MAD2L2: variants seen among roughly 807,000 people sequenced by gnomAD.
MAD2L2 encodes the protein mitotic spindle assembly checkpoint protein MAD2B.
A neutral mutation model predicts 30.5 loss-of-function variants in MAD2L2; 17 were observed. That is an observed-to-expected ratio of 0.56 (90% CI 0.38 to 0.84). The LOEUF (loss-of-function observed/expected upper bound fraction) is 0.84, where lower values mean the gene tolerates loss of function less well. Ranked by LOEUF, MAD2L2 falls within the 40% of genes least tolerant of loss-of-function variation. MAD2L2 has a pLI of 0.00. For missense variants in MAD2L2, 213 were observed against 277.4 expected, an observed-to-expected ratio of 0.77 and a Z score of 1.65; for synonymous variants, 101 against 113.9, an observed-to-expected ratio of 0.89 and a Z score of 0.72.
In MAD2L2 at chr1:11,687,645, G is replaced by C. The variant is rs1291078084; in HGVS notation, c.-692+3768C>G. Among the ~76,000 whole-genome samples the C allele has an allele frequency of 6.6e-6, 1 of 152,224 alleles. No homozygotes were observed. The highest frequency in any genetic ancestry group is 6.5e-5 in the Admixed American group (1 of 15,282). ...CCTGCCTCACCCTCTCAAAGTGCTA[G>C]GATTACAGGCATGAGCCACTGCGCC... On this transcript the variant is annotated intron_variant, in intron 1 of 10. Coordinates refer to the MAD2L2 transcript ENST00000235310. This position sits in a 1 kb window ranked among gnomAD's most constrained non-coding sequence, Gnocchi z 4.1.
chr1:11,674,602 C>T lies in MAD2L2; in HGVS notation c.*173G>A. 1.6e-6 allele frequency: 1 copy of T among 641,206 alleles called. No homozygotes were observed. The allele number at this position is 641,206 out of a possible 1,614,324, so 39.7% of individuals were successfully genotyped here. A position where few individuals can be genotyped will look rare whatever the true frequency, so the allele number is the denominator to read the frequency against. ...CGAGGTTGCGGCATCCCTCACTGCC[C>T]TCCTGGGGGAGGCATCCTCCAAGCA... On this transcript the variant is annotated 3_prime_UTR_variant, in exon 9 of 9. Coordinates refer to ENST00000376692, the MANE Select transcript of MAD2L2 (RefSeq NM_006341.4). This position sits in a 1 kb window ranked among gnomAD's most constrained non-coding sequence, Gnocchi z 6.1.
Position 11,675,614 on chromosome 1 carries a change from C to T in MAD2L2, c.501+44G>A, listed in dbSNP as rs956976287. The T allele has an allele frequency of 6.9e-6, 11 of 1,589,364 alleles. No homozygotes were observed. In the African/African-American group the frequency reaches 1.2e-4, roughly 17 times the overall value. On this transcript the variant is annotated intron_variant, in intron 7 of 8. Transcript: ENST00000376692. ...CTGCCCGCCTGGAACTGCGACATCA[C>T]GTTTCTAGAGCCTGCGCCCAGACCC...
In MAD2L2 at chr1:11,687,359, C is replaced by A. The variant is rs1007650615; in HGVS notation, c.-692+4054G>T. On this transcript the variant is annotated intron_variant, in intron 1 of 10. Coordinates refer to the MAD2L2 transcript ENST00000235310. The surrounding 1 kb of genome is among the most constrained non-coding windows in gnomAD (Gnocchi z 4.1). ...GATTCAAGCGATTCTCCTGCCTCAG[C>A]CTCCCGAGTAGCTGGGACTACAGGC... is the stretch of plus-strand genomic sequence containing the variant. Among the ~76,000 whole-genome samples the A allele has an allele frequency of 6.6e-6, 1 of 152,224 alleles. No homozygotes were observed. Among genetic ancestry groups the A allele is most frequent in the Non-Finnish European group, 1.5e-5 (1 of 68,046 alleles).
chr1:11,681,888 C>CAA (rs1640886967), upstream of MAD2L2: 1 of 152,134 alleles, frequency 6.6e-6, no homozygotes, highest in Non-Finnish European at 1.5e-5. Context: ...ATAACCTGCC[C>CAA]GAGTCTCCCA....
At chr1:11,681,845 T>A (rs969806373), upstream of MAD2L2, 3 of 152,094 alleles carry the variant, frequency 2.0e-5, no homozygotes. Context: ...GTTCTCTTTA[T>A]ACAGATAAGT....
intron 3 of MAD2L2, among the ~76,000 whole-genome samples, chr1:11,679,761 T>A (rs1377325786): frequency 6.6e-6 from 1 of 151,934 alleles, no homozygotes; most frequent in Non-Finnish European, 1.5e-5. Flanking sequence ...ACTCCTGACC[T>A]TGTGATTCGC....
rs1469908175 is a variant in MAD2L2 at position 11,688,102 on chromosome 1, A to T, written c.-692+3311T>A. Among the ~76,000 whole-genome samples the T allele has an allele frequency of 6.6e-6, 1 of 152,178 alleles. No homozygotes were observed. The highest frequency in any genetic ancestry group is 1.5e-5 in the Non-Finnish European group (1 of 68,030). On this transcript the variant is annotated intron_variant, in intron 1 of 10. Coordinates refer to the MAD2L2 transcript ENST00000235310. The surrounding 1 kb of genome is among the most constrained non-coding windows in gnomAD (Gnocchi z 4.6). ...GACTCCAAGGTTTTTCTCCTGGCTC[A>T]TGAATACTGGCCCACAGCTCTATCC...
upstream of MAD2L2, among the ~76,000 whole-genome samples, chr1:11,683,514 G>A (rs909933): frequency 2.0e-5 from 3 of 150,654 alleles, no homozygotes; most frequent in African/African-American, 7.4e-5. Flanking sequence ...TTGGGGACTC[G>A]GGGGGAAGGA....
At chr1:11,691,161 C>T (rs1231170002) in intron 1 of MAD2L2, among the ~76,000 whole-genome samples, 1 of 152,208 alleles carries the variant, frequency 6.6e-6, no homozygotes, top group Non-Finnish European at 1.5e-5. Context: ...CCGCCTCCCC[C>T]GCCCTGGGCA....
chr1:11,680,012 T>G (rs1640842678), intron 3 of MAD2L2, among the ~76,000 whole-genome samples: 1 of 92,112 alleles, frequency 1.1e-5, no homozygotes, highest in African/African-American at 3.9e-5. Context: ...TTTTTTTTTT[T>G]GAGACGGAGT....
chr1:11,676,897 C>A lies in MAD2L2; in HGVS notation c.283G>T (p.Val95Leu). The A allele has an allele frequency of 6.2e-7, 1 of 1,614,156 alleles. No individual in the cohort carries two copies. Among genetic ancestry groups the A allele is most frequent in the African/African-American group, 1.3e-5 (1 of 75,050 alleles). The change falls in exon 5 of 9, where the codon GTG becomes TTG. Residue 95 changes from valine (V) to leucine (L), a missense_variant. By Grantham distance (32) the Val-to-Leu change is conservative (BLOSUM62 1). Coordinates refer to ENST00000376692, the MANE Select transcript of MAD2L2 (RefSeq NM_006341.4). ...VVILDKEHRP[V>L]EKFVFEITQP... ...GTGATCTCAAAGACGAATTTCTCCA[C>A]TGGGCGGTGCTCTTTATCCAAAATC...
chr1:11,677,982 G>A (rs1402110791), intron 3 of MAD2L2, among the ~76,000 whole-genome samples: 1 of 151,598 alleles, frequency 6.6e-6, no homozygotes, highest in Non-Finnish European at 1.5e-5. Flanking sequence ...GCTTGAACCC[G>A]GGAGGCGGAG....
chr1:11,691,054 C>T (rs1641053119), intron 1 of MAD2L2, among the ~76,000 whole-genome samples: 3 of 152,156 alleles, frequency 2.0e-5, no homozygotes, highest in African/African-American at 4.8e-5. Flanking sequence ...CTTTGAAGAC[C>T]CTTTGTACCC....
intron 7 of MAD2L2, 88 bp downstream of exon 7, chr1:11,675,570 C>T: frequency 7.7e-7 from 1 of 1,303,142 alleles, no homozygotes; most frequent in South Asian, 1.2e-5. Flanking sequence ...TAATGGGTGG[C>T]TGGCCACAGG....
At chr1:11,675,319 C>G (rs993302526) in intron 7 of MAD2L2, 145 bp from the exon 8 acceptor site, 2 of 615,060 alleles carry the variant, frequency 3.3e-6, no homozygotes, top group South Asian at 2.0e-5. Context: ...ACCCCAGGAC[C>G]GCCCCCATCC....
At chr1:11,683,760 T>C (rs941201092), upstream of MAD2L2, among the ~76,000 whole-genome samples, 9 of 151,570 alleles carry the variant, frequency 5.9e-5, no homozygotes, top group Middle Eastern at 6.8e-3. Context: ...TCACCTGAGG[T>C]CAGGAGTTTG....
intron 1 of MAD2L2, among the ~76,000 whole-genome samples, chr1:11,686,632 ACC>A (rs1423062364): frequency 1.3e-5 from 2 of 151,950 alleles, no homozygotes; most frequent in African/African-American, 4.8e-5. Flanking sequence ...CGAACTCCTG[ACC>A]CCAAGTGATG....
chr1:11,685,372 G>A (rs933304418), upstream of MAD2L2, among the ~76,000 whole-genome samples: 3 of 152,168 alleles, frequency 2.0e-5, no homozygotes, highest in Admixed American at 6.6e-5. Flanking sequence ...AGCAAAACAC[G>A]TCGACTTCAG....
chr1:11,683,071 C>T (rs1640903160), upstream of MAD2L2, among the ~76,000 whole-genome samples: 1 of 152,170 alleles, frequency 6.6e-6, no homozygotes, highest in African/African-American at 2.4e-5. Context: ...CAGGCAGTGG[C>T]AGTCATAGGG....
Sources: allele counts gnomAD v4.1 joint callset (sites outside exome capture counted in the v4.1 genomes callset), GRCh38; gene constraint gnomAD v4.1.1; non-coding constraint Gnocchi (gnomAD v3.1); transcripts MANE v1.5; gene names NCBI Gene and HGNC (gene_info 2026-07-23, HGNC 2026-07-21).